The following DTD2 variants were observed in gnomAD, a reference collection of about 807,000 sequenced individuals.
DTD2 encodes the protein D-aminoacyl-tRNA deacylase 2.
A neutral mutation model predicts 15.5 loss-of-function variants in DTD2; 12 were observed. The observed-to-expected ratio is 0.77, with a 90% CI of 0.50 to 1.25. The LOEUF (loss-of-function observed/expected upper bound fraction) is 1.25, where lower values mean the gene tolerates loss of function less well. Ranked by LOEUF, DTD2 falls within the 50% of genes most tolerant of loss-of-function variation. DTD2 has a pLI of 0.00. For synonymous variants in DTD2, 59 were observed against 77.3 expected (o/e 0.76, Z 1.24); for missense variants, 170 against 201.1 (o/e 0.85, Z 0.93).
At position 31,457,254 on chromosome 14, in the gene DTD2, G is replaced by A. The variant is rs577015923; in HGVS notation, c.111+29C>T. ...GAAAAAACCGCCCCGCACGCCGGAG[G>A]ATAACGAGAGCTGCCGGGCTGACGT... On this transcript the variant is annotated intron_variant, in intron 1 of 2. Coordinates refer to ENST00000310850, the MANE Select transcript of DTD2 (RefSeq NM_080664.3). 9 of 1,542,310 alleles carry A rather than the reference G, an allele frequency of 5.8e-6. No individual in the cohort carries two copies. The East Asian group carries it at 1.2e-4, about 21-fold the overall frequency.
At chr14:31,456,791 G>T (rs1363190504) in intron 1 of DTD2, among the ~76,000 whole-genome samples, 1 of 152,156 alleles carries the variant, frequency 6.6e-6, no homozygotes, top group Non-Finnish European at 1.5e-5. Flanking sequence ...TTGGAAATTG[G>T]TCAAAACTTT....
At position 31,447,947 on chromosome 14, in the gene DTD2, C is replaced by A. The variant is rs1477715120; in HGVS notation, c.*182G>T. ...TGTAGGACAAAAGGTGACTGAGATC[C>A]AGAGTTTAGGTGACTTGGCAAAGTC... is the stretch of plus-strand genomic sequence containing the variant. On this transcript the variant is annotated 3_prime_UTR_variant, in exon 3 of 3. Coordinates refer to ENST00000310850, the MANE Select transcript of DTD2 (RefSeq NM_080664.3). 7.2e-6 allele frequency: 4 copies of A among 553,960 alleles called. No individual in the cohort carries two copies. The highest frequency in any genetic ancestry group is 4.6e-4 in the Middle Eastern group (1 of 2,152). 34.3% of individuals were successfully genotyped at this position (553,960 alleles called of 1,614,324 possible). A position where few individuals can be genotyped will look rare whatever the true frequency, so the allele number is the denominator to read the frequency against.
rs1331511566 is a variant in DTD2 at position 31,448,259 on chromosome 14, C to A, written c.377G>T (p.Cys126Phe). ...GCTATTAGCAGCTACTTCTTTTTCA[C>A]ATAGAGTCACAAATTGAGAGTAAAG... ...FELYSQFVTL[C>F]EKEVAANSKC... is the part of the protein sequence containing the mutation. Residue 126 changes from cysteine to phenylalanine, a missense_variant, in exon 3 of 3, where the codon TGT (cysteine) becomes TTT (phenylalanine). Cys to Phe is a radical substitution (Grantham distance 205, BLOSUM62 -2). Coordinates refer to ENST00000310850, the MANE Select transcript of DTD2 (RefSeq NM_080664.3). 1 of 1,614,184 alleles carries A rather than the reference C, an allele frequency of 6.2e-7. No homozygotes were observed. The highest frequency in any genetic ancestry group is 8.5e-7 in the Non-Finnish European group (1 of 1,180,028).
At chr14:31,452,483 A>G (rs1283476395) in intron 2 of DTD2, 3 of 152,214 alleles carry the variant, frequency 2.0e-5, no homozygotes, top group Admixed American at 6.5e-5. Context: ...AAATTCCACC[A>G]TACTTGCTTA....
At chr14:31,453,557 T>C (rs2032062978) in intron 1 of DTD2, among the ~76,000 whole-genome samples, 1 of 152,218 alleles carries the variant, frequency 6.6e-6, no homozygotes, top group Non-Finnish European at 1.5e-5. Context: ...GTTTAAAATA[T>C]ACCCAAGAGC....
intron 1 of DTD2, chr14:31,457,040 C>G (rs1052878149): frequency 5.4e-6 from 3 of 552,672 alleles, no homozygotes; most frequent in South Asian, 2.1e-5. Context: ...TGTGGTCCCC[C>G]CAAGAAGGGA....
At position 31,448,060 on chromosome 14, in the gene DTD2, G is replaced by A; in HGVS notation, c.*69C>T. 3.8e-6 allele frequency: 5 copies of A among 1,326,864 alleles called. No homozygotes were observed. The highest frequency in any genetic ancestry group is 1.4e-5 in the South Asian group (1 of 70,270). 82.2% of individuals were successfully genotyped at this position (1,326,864 alleles called of 1,614,324 possible). A position where few individuals can be genotyped will look rare whatever the true frequency, so the allele number is the denominator to read the frequency against. On this transcript the variant is annotated 3_prime_UTR_variant, in exon 3 of 3. Transcript: ENST00000310850. ...AGATTAGTATATTCAAGATTAAGGG[G>A]AAGAAAATCTAATTATACTTTAGAT...
intron 1 of DTD2, among the ~76,000 whole-genome samples, chr14:31,455,755 T>G (rs1245990375): frequency 3.3e-5 from 5 of 151,398 alleles, no homozygotes; most frequent in African/African-American, 9.7e-5. Flanking sequence ...CTAATTTTTG[T>G]ATTTTTAGTA....
In DTD2 at chr14:31,448,245, C is replaced by G. The variant is rs760942900; in HGVS notation, c.391G>C (p.Ala131Pro). Residue 131 changes from alanine (A) to proline (P), a missense_variant, in exon 3 of 3, where the codon GCT (alanine) becomes CCT (proline). Ala to Pro is a conservative substitution (Grantham distance 27). Coordinates refer to ENST00000310850, the MANE Select transcript of DTD2 (RefSeq NM_080664.3). ...QFVTLCEKEV[A>P]ANSKCAEARV... is the part of the protein sequence containing the mutation. ...GCTTCAGCACACTTGCTATTAGCAG[C>G]TACTTCTTTTTCACATAGAGTCACA... 6.2e-7 allele frequency: 1 copy of G among 1,614,078 alleles called. No homozygotes were observed.
chr14:31,455,148 G>C (rs1426719641), intron 1 of DTD2, among the ~76,000 whole-genome samples: 1 of 152,130 alleles, frequency 6.6e-6, no homozygotes, highest in African/African-American at 2.4e-5. Context: ...AAATACATGT[G>C]ATTTTGCATA....
At position 31,457,325 on chromosome 14, in the gene DTD2, T is replaced by G; in HGVS notation, c.69A>C (p.Gln23His). The change falls in exon 1 of 3, where the codon CAA (glutamine) becomes CAC (histidine). Residue 23 changes from glutamine to histidine, a missense_variant. Gln to His is a conservative substitution (Grantham distance 24). Coordinates refer to ENST00000310850, the MANE Select transcript of DTD2 (RefSeq NM_080664.3). Reference sequence around the variant, plus strand: ...CGACGTCCCCATCGGCTGGGCGAATTTGCAGCCGGGCGTGCAGGCACTGCT... The same window carrying G: ...CGACGTCCCCATCGGCTGGGCGAATGTGCAGCCGGGCGTGCAGGCACTGCT... ...LLQQCLHARL[Q>H]IRPADGDVAA... 5 of 1,595,376 alleles carry G rather than the reference T, an allele frequency of 3.1e-6. No homozygotes were observed. The South Asian group carries it at 5.7e-5, about 18-fold the overall frequency.
intron 1 of DTD2, among the ~76,000 whole-genome samples, chr14:31,453,993 T>C (rs1046119207): frequency 6.6e-6 from 1 of 152,258 alleles, no homozygotes; most frequent in Non-Finnish European, 1.5e-5. Context: ...TTATTTTACA[T>C]AATGGCTTGG....
At chr14:31,449,518 C>T (rs994214560) in intron 2 of DTD2, among the ~76,000 whole-genome samples, 4 of 152,144 alleles carry the variant, frequency 2.6e-5, no homozygotes, top group East Asian at 3.8e-4. Context: ...TTGTAGCATT[C>T]GTGAGATTTC....
intron 2 of DTD2, among the ~76,000 whole-genome samples, chr14:31,449,042 T>G (rs907477655): frequency 6.6e-6 from 1 of 152,086 alleles, no homozygotes; most frequent in African/African-American, 2.4e-5. Context: ...TACAGGTGCG[T>G]GCCACCACAC....
chr14:31,448,557 C>T, intron 2 of DTD2, 103 bp from the exon 3 acceptor site: 2 of 963,008 alleles, frequency 2.1e-6, no homozygotes, highest in Non-Finnish European at 3.1e-6. Flanking sequence ...TTCAGTTTGT[C>T]AGCTCATGCC....
At chr14:31,455,116 G>C (rs2139364017) in intron 1 of DTD2, among the ~76,000 whole-genome samples, 1 of 152,278 alleles carries the variant, frequency 6.6e-6, no homozygotes, top group Middle Eastern at 3.4e-3. Context: ...AACACAAACT[G>C]ATAGTTTGGA....
Position 31,457,459 on chromosome 14 carries a change from G to T in DTD2, c.-66C>A. ...GTGTCGCTGGCCCCTCCCTCGACGC[G>T]CTGGCGGGGCAGACGAGGCGGGGCA... On this transcript the variant is annotated 5_prime_UTR_variant, in exon 1 of 3. Coordinates refer to ENST00000310850, the MANE Select transcript of DTD2 (RefSeq NM_080664.3). 2 of 1,232,938 alleles carry T rather than the reference G, an allele frequency of 1.6e-6. No homozygotes were observed. The highest frequency in any genetic ancestry group is 2.2e-6 in the Non-Finnish European group (2 of 922,892). The allele number at this position is 1,232,938 out of a possible 1,614,324, so 76.4% of individuals were successfully genotyped here. A position where few individuals can be genotyped will look rare whatever the true frequency, so the allele number is the denominator to read the frequency against.
At chr14:31,448,515 A>G (rs2031990771) in intron 2 of DTD2, 61 bp from the exon 3 acceptor site, 1 of 1,443,098 alleles carries the variant, frequency 6.9e-7, no homozygotes, top group Non-Finnish European at 9.4e-7. Flanking sequence ...GAAAACCATC[A>G]AGTTTTTAGT....
chr14:31,447,830 CA>C lies in DTD2; in HGVS notation c.*298del, dbSNP rs1019942057. 1.5e-4 allele frequency: 35 copies of C among 229,302 alleles called. No homozygotes were observed. Among genetic ancestry groups the C allele is most frequent in the African/African-American group, 7.1e-4 (31 of 43,740 alleles). 14.2% of individuals were successfully genotyped at this position (229,302 alleles called of 1,614,324 possible). ...GCAAGACTCCATCTCAAAAAAAAAA[CA>C]AAAACAAAAAAACAATTAAGAACAT... On this transcript the variant is annotated 3_prime_UTR_variant, in exon 3 of 3. Transcript: ENST00000310850.
Sources: allele counts gnomAD v4.1 joint callset (sites outside exome capture counted in the v4.1 genomes callset), GRCh38; gene constraint gnomAD v4.1.1; transcripts MANE v1.5; gene names NCBI Gene and HGNC (gene_info 2026-07-23, HGNC 2026-07-21).